ZNF644: variants seen among roughly 807,000 people sequenced by gnomAD.
ZNF644 encodes zinc finger motif enhancer binding protein 2.
A neutral mutation model predicts 108.0 loss-of-function variants in ZNF644; 20 were observed. The ratio of observed to expected loss-of-function variants is 0.19; its 90% CI spans 0.13 to 0.27. The LOEUF is 0.27. ZNF644 is among the 10% of genes least tolerant of loss of function. The pLI is 1.00. For synonymous variants in ZNF644, 542 were observed against 539.1 expected, an observed-to-expected ratio of 1.01 and a Z score of -0.08; for missense variants, 1,338 against 1,548.9, an observed-to-expected ratio of 0.86 and a Z score of 2.29.
intron 1 of ZNF644, among the ~76,000 whole-genome samples, chr1:91,001,449 A>C (rs1480543857): frequency 6.6e-6 from 1 of 152,224 alleles, no homozygotes; most frequent in South Asian, 2.1e-4. Flanking sequence ...TGATTATCTC[A>C]ATAGATGCAG....
At chr1:90,989,318 G>A (rs920192421) in intron 1 of ZNF644, among the ~76,000 whole-genome samples, 5 of 152,198 alleles carry the variant, frequency 3.3e-5, no homozygotes, top group Admixed American at 6.5e-5. Flanking sequence ...AGAGGCTGAG[G>A]TGGGAGGATC....
chr1:90,965,961 G>C (rs949530887), intron 2 of ZNF644, among the ~76,000 whole-genome samples: 1 of 152,082 alleles, frequency 6.6e-6, no homozygotes, highest in Non-Finnish European at 1.5e-5. Context: ...ATGTTGGCCA[G>C]GCTGGTCTCT....
In ZNF644 at chr1:90,939,213, C is replaced by T. The variant is rs777815225; in HGVS notation, c.2141G>A (p.Ser714Asn). 9.3e-6 allele frequency: 15 copies of T among 1,613,930 alleles called. No individual in the cohort carries two copies. Among genetic ancestry groups the T allele is most frequent in the African/African-American group, 1.3e-5 (1 of 75,020 alleles). ...GAAATACTTAGGTTTTTGGTCAACG[C>T]TGCTTTTAATTGTAACATTCTTATG... is the stretch of plus-strand genomic sequence containing the variant. The part of the protein sequence containing the change: ...SPHKNVTIKS[S>N]VDQKPKYFHQ... Residue 714 changes from serine to asparagine, a missense_variant, in exon 3 of 6, where the codon AGC becomes AAC. Physicochemically the swap from Ser to Asn is conservative, Grantham distance 46. Coordinates refer to ENST00000337393, the MANE Select transcript of ZNF644 (RefSeq NM_201269.3).
intron 2 of ZNF644, among the ~76,000 whole-genome samples, chr1:90,961,082 T>A (rs892881826): frequency 2.6e-5 from 4 of 152,000 alleles, no homozygotes; most frequent in African/African-American, 9.7e-5. Context: ...GAGGAAAGAA[T>A]AAAAAGCGAT....
At chr1:90,977,268 A>G (rs1656107551) in intron 2 of ZNF644, among the ~76,000 whole-genome samples, 2 of 152,168 alleles carry the variant, frequency 1.3e-5, no homozygotes, top group African/African-American at 4.8e-5. Flanking sequence ...GGCTATGCTG[A>G]TGTTAGTTTG....
rs1302730483 is a variant in ZNF644, at chr1:90,937,757, A to G, written c.3416T>C (p.Val1139Ala). 7 of 1,613,752 alleles carry G rather than the reference A, an allele frequency of 4.3e-6. No homozygotes were observed. Among genetic ancestry groups the G allele is most frequent in the South Asian group, 3.3e-5 (3 of 91,084 alleles). ...CAGCCCTTCTTCTTCTGATGCAGAC[A>G]CTGACAGAGCTTCAGTCTTTAGGCC... is the stretch of plus-strand genomic sequence containing the variant. The part of the protein sequence containing the change: ...RNGLKTEALS[V>A]SASEEEGLNF... Residue 1139 changes from valine (V) to alanine (A), a missense_variant, in exon 4 of 6, where the codon GTG (valine) becomes GCG (alanine). Val to Ala is a moderately conservative substitution (Grantham distance 64, BLOSUM62 0). Coordinates refer to ENST00000337393, the MANE Select transcript of ZNF644 (RefSeq NM_201269.3).
chr1:91,021,830 G>A (rs1227148362), intron 1 of ZNF644, 160 bp downstream of exon 1: 3 of 396,344 alleles, frequency 7.6e-6, no homozygotes, highest in African/African-American at 2.1e-5. Flanking sequence ...CCTTTTGGAT[G>A]GCTGGGACCC....
At chr1:91,009,934 C>T (rs1659794800) in intron 1 of ZNF644, among the ~76,000 whole-genome samples, 3 of 152,112 alleles carry the variant, frequency 2.0e-5, no homozygotes, top group South Asian at 4.1e-4. Context: ...TTTGATTTGA[C>T]TTATTTAAAA....
intron 1 of ZNF644, among the ~76,000 whole-genome samples, chr1:91,002,534 T>C (rs1658955101): frequency 6.6e-6 from 1 of 152,182 alleles, no homozygotes. Context: ...TAATTCAAGA[T>C]GGATTAAACA....
intron 2 of ZNF644, among the ~76,000 whole-genome samples, chr1:90,960,443 C>T (rs544127773): frequency 5.9e-5 from 9 of 152,050 alleles, no homozygotes; most frequent in East Asian, 1.9e-4. Context: ...AGGTTTGGTA[C>T]GACCTGCAGT....
chr1:90,984,371 G>T (rs1234175843), intron 1 of ZNF644, among the ~76,000 whole-genome samples: 2 of 151,848 alleles, frequency 1.3e-5, no homozygotes. Flanking sequence ...ATTAGAGCGA[G>T]AGCCTTTCAG....
At chr1:90,928,669 C>G (rs1204681831) in intron 4 of ZNF644, among the ~76,000 whole-genome samples, 1 of 151,768 alleles carries the variant, frequency 6.6e-6, no homozygotes, top group Non-Finnish European at 1.5e-5. Context: ...TTTTTTTTAC[C>G]AAGCATTCAA....
intron 1 of ZNF644, among the ~76,000 whole-genome samples, chr1:90,989,677 G>A (rs1241257854): frequency 6.6e-6 from 1 of 152,170 alleles, no homozygotes; most frequent in Non-Finnish European, 1.5e-5. Flanking sequence ...ACAAGTGTTG[G>A]CGAGAATGTG....
At chr1:91,021,601 C>G (rs763886922) in intron 1 of ZNF644, 2 of 160,892 alleles carry the variant, frequency 1.2e-5, no homozygotes, top group Non-Finnish European at 2.7e-5. Flanking sequence ...CCCTTTGTGT[C>G]CGCTACCGGA....
intron 2 of ZNF644, among the ~76,000 whole-genome samples, chr1:90,976,912 A>T (rs1370148532): frequency 6.6e-6 from 1 of 152,210 alleles, no homozygotes; most frequent in Non-Finnish European, 1.5e-5. Context: ...AAATACTATT[A>T]AAAAATACCA....
chr1:91,008,631 T>A (rs1347278927), intron 1 of ZNF644, among the ~76,000 whole-genome samples: 1 of 152,218 alleles, frequency 6.6e-6, no homozygotes, highest in Admixed American at 6.5e-5. Flanking sequence ...ACCCCATTTT[T>A]CAGAGATGTA....
At chr1:90,983,562 T>C (rs1320419890) in intron 1 of ZNF644, among the ~76,000 whole-genome samples, 1 of 151,472 alleles carries the variant, frequency 6.6e-6, no homozygotes, top group East Asian at 1.9e-4. Flanking sequence ...TATTCCGAAT[T>C]ATCTGGGTGG....
chr1:90,920,672 ATT>A (rs1649328109), intron 4 of ZNF644, among the ~76,000 whole-genome samples: 1 of 152,000 alleles, frequency 6.6e-6, no homozygotes, highest in Non-Finnish European at 1.5e-5. Flanking sequence ...AGCAATGAGT[ATT>A]TGAAGGTATT....
rs1658846039 is a variant in ZNF644, at chr1:91,001,696, C to T, written c.-17-19326G>A. Among the ~76,000 whole-genome samples, 3 of 152,092 alleles carry T rather than the reference C, an allele frequency of 2.0e-5. No individual in the cohort carries two copies. In the South Asian group the frequency reaches 6.2e-4, roughly 32 times the overall value. ...GGAAGTTCTGGCCAGGACAATCAGG[C>T]AGGAGAAAGAAATAAGGGGTATTCA... On this transcript the variant is annotated intron_variant, in intron 1 of 5. Transcript: ENST00000337393.
Sources: gnomAD v4.1 joint callset for allele counts (sites outside exome capture counted in the v4.1 genomes callset) on GRCh38, gnomAD v4.1.1 for gene constraint, MANE v1.5 for transcripts, NCBI Gene and HGNC (gene_info 2026-07-23, HGNC 2026-07-21) for gene names.